The following GALNT17 variants were observed in gnomAD, a reference collection of about 807,000 sequenced individuals.
The protein encoded by GALNT17 is UDP-GalNAc:polypeptide N-acetylgalactosaminyltransferase-like 3.
A neutral mutation model predicts 63.7 loss-of-function variants in GALNT17; 29 were observed. That is an observed-to-expected ratio of 0.46 (90% CI 0.34 to 0.62). The LOEUF is 0.62. GALNT17 is among the 20% of genes least tolerant of loss of function. The probability of loss-of-function intolerance (pLI) is 0.01; values close to 1 mark genes in which losing one functional copy is unlikely to be tolerated. For synonymous variants in GALNT17, 305 were observed against 318.3 expected (o/e 0.96, Z 0.45); for missense variants, 603 against 799.6 (o/e 0.75, Z 2.97).
chr7:71,657,869 GA>G (rs1790851359), intron 6 of GALNT17, among the ~76,000 whole-genome samples: 1 of 52,690 alleles, frequency 1.9e-5, no homozygotes, highest in Non-Finnish European at 4.0e-5. Flanking sequence ...TGGATGGATG[GA>G]TGGATGGATG....
intron 4 of GALNT17, among the ~76,000 whole-genome samples, chr7:71,420,660 G>C (rs1267278758): frequency 6.6e-6 from 1 of 152,190 alleles, no homozygotes; most frequent in Non-Finnish European, 1.5e-5. Flanking sequence ...TTTCGGGCCA[G>C]AGCAGGCATC....
rs183908995 is a variant in GALNT17, at chr7:71,187,829, C to G, written c.238+54789C>G. ...TTAGTGGTGATTTGTGAAATTTTGG[C>G]GCACCTATCACCCGAGCAGTATACA... On this transcript the variant is annotated intron_variant, in intron 1 of 10. Coordinates refer to ENST00000333538, the MANE Select transcript of GALNT17 (RefSeq NM_022479.3). Among the ~76,000 whole-genome samples the G allele has an allele frequency of 1.3e-5, 2 of 152,036 alleles. 1 individual carries two copies. The highest frequency in any genetic ancestry group is 4.1e-4 in the South Asian group (2 of 4,826).
intron 1 of GALNT17, among the ~76,000 whole-genome samples, chr7:71,283,153 C>T (rs1052367448): frequency 4.0e-5 from 6 of 151,750 alleles, no homozygotes; most frequent in Admixed American, 6.6e-5. Context: ...TGCCTCAGCC[C>T]CCCCCAAGTA....
chr7:71,137,288 C>G (rs916329831), intron 1 of GALNT17, among the ~76,000 whole-genome samples: 2 of 151,932 alleles, frequency 1.3e-5, no homozygotes, highest in Non-Finnish European at 2.9e-5. Context: ...TACAGGCGTC[C>G]GCCACCACGC....
At chr7:71,534,262 G>A (rs900265585) in intron 5 of GALNT17, among the ~76,000 whole-genome samples, 13 of 152,040 alleles carry the variant, frequency 8.6e-5, no homozygotes, top group Admixed American at 7.9e-4. Context: ...CATGGGGGTA[G>A]CATGGAGAAG....
intron 5 of GALNT17, among the ~76,000 whole-genome samples, chr7:71,532,452 T>C (rs1562679085): frequency 6.6e-6 from 1 of 152,176 alleles, no homozygotes; most frequent in Non-Finnish European, 1.5e-5. Context: ...ACCATATGTC[T>C]AAATGTATTA....
intron 1 of GALNT17, among the ~76,000 whole-genome samples, chr7:71,286,442 T>C (rs79131087): frequency 6.6e-6 from 1 of 152,170 alleles, no homozygotes. Context: ...TTTGCAAGAG[T>C]TCACAATGCT....
At chr7:71,671,160 A>G (rs1256248025) in intron 8 of GALNT17, among the ~76,000 whole-genome samples, 2 of 152,092 alleles carry the variant, frequency 1.3e-5, no homozygotes, top group Non-Finnish European at 2.9e-5. Context: ...CACAAGTACC[A>G]TTGCTGAGAA....
intron 6 of GALNT17, among the ~76,000 whole-genome samples, chr7:71,597,533 A>AATAAATAC (rs1789905277): frequency 6.6e-6 from 1 of 151,890 alleles, no homozygotes; most frequent in Non-Finnish European, 1.5e-5. Context: ...TAAATAAATA[A>AATAAATAC]ATAAGTAAAT....
intron 1 of GALNT17, among the ~76,000 whole-genome samples, chr7:71,246,886 A>G (rs936209239): frequency 2.0e-5 from 3 of 149,732 alleles, no homozygotes; most frequent in African/African-American, 7.4e-5. Context: ...TCTGTCTGAA[A>G]TAAGTACTTT....
chr7:71,608,813 C>T (rs895265034), intron 6 of GALNT17, among the ~76,000 whole-genome samples: 6 of 152,088 alleles, frequency 3.9e-5, no homozygotes, highest in African/African-American at 1.4e-4. Flanking sequence ...GGGTCTTGCT[C>T]TGTCACCTAG....
At chr7:71,624,131 GCTGATTTC>G (rs1337905698) in intron 6 of GALNT17, among the ~76,000 whole-genome samples, 1 of 152,158 alleles carries the variant, frequency 6.6e-6, no homozygotes, top group African/African-American at 2.4e-5. Context: ...GCAGTGAGGT[GCTGATTTC>G]CTGTATTTGC....
intron 6 of GALNT17, among the ~76,000 whole-genome samples, chr7:71,586,644 G>C (rs113168244): frequency 0.018 from 2,791 of 150,974 alleles, 91 homozygotes; most frequent in African/African-American, 0.065. Flanking sequence ...GCAGTATTTG[G>C]TATTGTCAGA....
At chr7:71,709,564 G>A (rs1402842744) in intron 9 of GALNT17, among the ~76,000 whole-genome samples, 1 of 144,948 alleles carries the variant, frequency 6.9e-6, no homozygotes, top group South Asian at 2.2e-4. Context: ...TCTGATTTTA[G>A]TTTCAGTTTT....
At chr7:71,243,213 T>C (rs1432366412) in intron 1 of GALNT17, among the ~76,000 whole-genome samples, 1 of 152,156 alleles carries the variant, frequency 6.6e-6, no homozygotes, top group East Asian at 1.9e-4. Context: ...ATGTGAGACG[T>C]GCTTCTTCCC....
chr7:71,191,196 T>A (rs1027773870), intron 1 of GALNT17, among the ~76,000 whole-genome samples: 9 of 152,220 alleles, frequency 5.9e-5, no homozygotes, highest in African/African-American at 2.2e-4. Flanking sequence ...AATTCTCTTG[T>A]ATCGCTTCCT....
intron 5 of GALNT17, among the ~76,000 whole-genome samples, chr7:71,559,897 CAAA>C (rs749844466): frequency 1.0e-5 from 1 of 97,626 alleles, no homozygotes; most frequent in Non-Finnish European, 2.1e-5. Flanking sequence ...ACATTAAAAA[CAAA>C]AAAAAAAAAA....
At chr7:71,659,173 C>T (rs1394198234) in intron 6 of GALNT17, among the ~76,000 whole-genome samples, 2 of 152,250 alleles carry the variant, frequency 1.3e-5, no homozygotes, top group Non-Finnish European at 2.9e-5. Flanking sequence ...CACTATTCTC[C>T]TCTCTTCCAG....
chr7:71,148,192 C>G (rs1178227885), intron 1 of GALNT17, among the ~76,000 whole-genome samples: 1 of 152,220 alleles, frequency 6.6e-6, no homozygotes, highest in African/African-American at 2.4e-5. Flanking sequence ...TTTGTTCTCA[C>G]TTCACAAGTC....
Sources: allele counts gnomAD v4.1 joint callset (sites outside exome capture counted in the v4.1 genomes callset), GRCh38; gene constraint gnomAD v4.1.1; transcripts MANE v1.5; gene names NCBI Gene and HGNC (gene_info 2026-07-23, HGNC 2026-07-21).